THSD4: variants seen among roughly 807,000 people sequenced by gnomAD.
THSD4 encodes the protein thrombospondin type-1 domain-containing protein 4.
In THSD4, 69 loss-of-function variants were observed where a neutral mutation model predicts 119.0. The ratio of observed to expected loss-of-function variants is 0.58; its 90% confidence interval spans 0.48 to 0.71. The LOEUF is 0.71. Ranked by LOEUF, THSD4 falls within the 30% of genes least tolerant of loss-of-function variation. The probability of loss-of-function intolerance (pLI) is 0.00; values close to 1 mark genes in which losing one functional copy is unlikely to be tolerated. For synonymous variants in THSD4, 524 were observed against 540.4 expected (o/e 0.97, Z 0.42); for missense variants, 1,393 against 1,391.1 (o/e 1.00, Z -0.02).
intron 7 of THSD4, among the ~76,000 whole-genome samples, chr15:71,626,814 A>C (rs1042967249): frequency 2.0e-5 from 3 of 152,138 alleles, no homozygotes; most frequent in Non-Finnish European, 4.4e-5. Context: ...CTCTGCTTTC[A>C]CTGTTCTTAT....
At chr15:71,384,102 G>C (rs1032557997) in intron 6 of THSD4, among the ~76,000 whole-genome samples, 4 of 152,176 alleles carry the variant, frequency 2.6e-5, no homozygotes, top group African/African-American at 9.7e-5. Flanking sequence ...TTTTGTGGCC[G>C]GGCGCGGTGG....
intron 7 of THSD4, among the ~76,000 whole-genome samples, chr15:71,565,756 C>A (rs2049224472): frequency 6.6e-6 from 1 of 152,056 alleles, no homozygotes; most frequent in African/African-American, 2.4e-5. Context: ...CCTGAATGAA[C>A]CTCTGAAACC....
chr15:71,568,724 A>T (rs1367139444), intron 7 of THSD4, among the ~76,000 whole-genome samples: 1 of 151,938 alleles, frequency 6.6e-6, no homozygotes, highest in African/African-American at 2.4e-5. Context: ...ATATCTCCTC[A>T]TGCTATCCCT....
intron 3 of THSD4, among the ~76,000 whole-genome samples, chr15:71,163,208 T>A (rs1361871199): frequency 6.6e-6 from 1 of 151,972 alleles, no homozygotes; most frequent in African/African-American, 2.4e-5. Context: ...TTTTTCATGT[T>A]TCTTGTGTCC....
chr15:71,143,489 GA>G (rs1040279447), intron 2 of THSD4, among the ~76,000 whole-genome samples: 1 of 151,866 alleles, frequency 6.6e-6, no homozygotes, highest in Admixed American at 6.6e-5. Flanking sequence ...GAACTTATTC[GA>G]AAAGGGCAAG....
At chr15:71,520,799 G>T (rs1444557998) in intron 7 of THSD4, among the ~76,000 whole-genome samples, 1 of 152,164 alleles carries the variant, frequency 6.6e-6, no homozygotes, top group Non-Finnish European at 1.5e-5. Context: ...TATATAGTGA[G>T]TGGTGGACCT....
Position 71,779,374 on chromosome 15 carries a change from GA to G in THSD4, c.*2001del, listed in dbSNP as rs1415942878. 8 of 152,248 alleles carry G rather than the reference GA, an allele frequency of 5.3e-5. No homozygotes were observed. Among genetic ancestry groups the G allele is most frequent in the African/African-American group, 1.9e-4 (8 of 41,444 alleles). The allele number at this position is 152,248 out of a possible 1,614,324, so 9.4% of individuals were successfully genotyped here. A position where few individuals can be genotyped will look rare whatever the true frequency, so the allele number is the denominator to read the frequency against. On this transcript the variant is annotated 3_prime_UTR_variant, in exon 18 of 18. Coordinates refer to ENST00000261862, the MANE Select transcript of THSD4 (RefSeq NM_024817.3). ...CACCACTTGTTTTGCTGCTTGTCAC[GA>G]GGAGAGTTGTTCCTGTATGTGGCTG...
intron 8 of THSD4, among the ~76,000 whole-genome samples, chr15:71,710,120 T>G (rs1170365739): frequency 6.6e-6 from 1 of 152,186 alleles, no homozygotes; most frequent in Non-Finnish European, 1.5e-5. Flanking sequence ...GAGTCAATGC[T>G]CCAAAGTGGA....
At chr15:71,398,874 A>G (rs1382954709) in intron 6 of THSD4, among the ~76,000 whole-genome samples, 1 of 152,054 alleles carries the variant, frequency 6.6e-6, no homozygotes, top group Non-Finnish European at 1.5e-5. Context: ...TCCAGAACAG[A>G]AACAGAGGCA....
In THSD4 at chr15:71,402,483, A is replaced by G. The variant is rs1465386743; in HGVS notation, c.1016-9204A>G. The stretch of plus-strand genomic sequence containing the variant: ...ATTTGTGCCCAGTGTTCCTTGGGGC[A>G]CAACACCTGTGATGGATGTGGGAGG... On this transcript the variant is annotated intron_variant, in intron 6 of 17. Coordinates refer to ENST00000261862, the MANE Select transcript of THSD4 (RefSeq NM_024817.3). Among the ~76,000 whole-genome samples, 5 of 152,282 alleles carry G rather than the reference A, an allele frequency of 3.3e-5. No individual in the cohort carries two copies. The East Asian group carries it at 9.7e-4, about 29-fold the overall frequency.
In THSD4 at chr15:71,395,954, A is replaced by ACACACAC. The variant is rs1566968379; in HGVS notation, c.1016-15733_1016-15732insCACACAC. On this transcript the variant is annotated intron_variant, in intron 6 of 17. Transcript: ENST00000261862. ...ACACACACACACACACACACACACA[A>ACACACAC]ACACAGACTTTGTTGAGCACATGGC... Among the ~76,000 whole-genome samples the ACACACAC allele has an allele frequency of 3.4e-3, 372 of 108,674 alleles. 2 individuals are homozygous for ACACACAC. Among genetic ancestry groups the ACACACAC allele is most frequent in the Middle Eastern group, 0.028 (6 of 212 alleles). The allele number at this position is 108,674 out of a possible 152,430, so 71.3% of individuals were successfully genotyped here. A position where few individuals can be genotyped will look rare whatever the true frequency, so the allele number is the denominator to read the frequency against.
chr15:71,699,910 A>T (rs940659224), intron 8 of THSD4, among the ~76,000 whole-genome samples: 15 of 152,048 alleles, frequency 9.9e-5, no homozygotes, highest in African/African-American at 3.6e-4. Flanking sequence ...ACTTGATAAT[A>T]TTTACTACCC....
At chr15:71,506,508 T>G (rs1234470789) in intron 7 of THSD4, among the ~76,000 whole-genome samples, 1 of 152,240 alleles carries the variant, frequency 6.6e-6, no homozygotes, top group Non-Finnish European at 1.5e-5. Context: ...CCAGGTTGTT[T>G]GCAGGTGGCC....
intron 2 of THSD4, among the ~76,000 whole-genome samples, chr15:71,141,913 G>A (rs560654557): frequency 1.3e-5 from 2 of 152,148 alleles, no homozygotes; most frequent in South Asian, 4.1e-4. Context: ...AGACCACTCT[G>A]GCCAACGTGG....
intron 12 of THSD4, 147 bp downstream of exon 12, chr15:71,745,382 A>T (rs2053316093): frequency 9.0e-7 from 1 of 1,109,604 alleles, no homozygotes; most frequent in African/African-American, 1.6e-5. Context: ...TCTGTTTAGC[A>T]GGCACACCTG....
intron 7 of THSD4, among the ~76,000 whole-genome samples, chr15:71,494,803 G>C (rs980424786): frequency 1.3e-5 from 2 of 152,204 alleles, no homozygotes; most frequent in Non-Finnish European, 2.9e-5. Flanking sequence ...CCCAGGGTCA[G>C]GGTTATGTGC....
chr15:71,497,439 G>C (rs1017661030), intron 7 of THSD4, among the ~76,000 whole-genome samples: 7 of 151,918 alleles, frequency 4.6e-5, no homozygotes, highest in African/African-American at 1.4e-4. Flanking sequence ...CTTGAGCCTG[G>C]AAGGCAGAGG....
intron 7 of THSD4, among the ~76,000 whole-genome samples, chr15:71,560,970 CT>C (rs11292320): frequency 0.45 from 55,109 of 121,196 alleles, 12,453 homozygotes; most frequent in East Asian, 0.5. Context: ...TTCTCTTTAT[CT>C]TTTTTTTTTT....
At chr15:71,278,387 T>C (rs2044615415) in intron 6 of THSD4, among the ~76,000 whole-genome samples, 1 of 152,140 alleles carries the variant, frequency 6.6e-6, no homozygotes, top group Non-Finnish European at 1.5e-5. Flanking sequence ...GGTTTTGCCA[T>C]GTTGCCCAGC....
Sources: gnomAD v4.1 joint callset for allele counts (sites outside exome capture counted in the v4.1 genomes callset) on GRCh38, gnomAD v4.1.1 for gene constraint, MANE v1.5 for transcripts, NCBI Gene and HGNC (gene_info 2026-07-23, HGNC 2026-07-21) for gene names.